The following APBA1 variants were observed in gnomAD, a reference collection of about 807,000 sequenced individuals.
APBA1 encodes amyloid beta precursor protein binding family A member 1.
APBA1 carries 55 observed loss-of-function variants against 86.6 expected under a neutral mutation model. The ratio of observed to expected loss-of-function variants is 0.64; its 90% CI spans 0.51 to 0.80. The LOEUF is 0.80. APBA1 is among the 30% of genes least tolerant of loss of function. The probability of loss-of-function intolerance (pLI) is 0.00; values close to 1 mark genes in which losing one functional copy is unlikely to be tolerated. For synonymous variants in APBA1, 511 were observed against 493.9 expected, an observed-to-expected ratio of 1.03 and a Z score of -0.46; for missense variants, 1,090 against 1,183.0, an observed-to-expected ratio of 0.92 and a Z score of 1.15.
intron 1 of APBA1, among the ~76,000 whole-genome samples, chr9:69,569,553 A>G (rs1427800962): frequency 6.6e-6 from 1 of 152,096 alleles, no homozygotes; most frequent in African/African-American, 2.4e-5. Flanking sequence ...TCCCACACAC[A>G]AAGAATTGTC....
chr9:69,529,547 A>G (rs1836392274), intron 1 of APBA1, among the ~76,000 whole-genome samples: 1 of 152,136 alleles, frequency 6.6e-6, no homozygotes. Flanking sequence ...CGTGTTGATC[A>G]GAATGTAAAG....
chr9:69,546,352 GC>G lies in APBA1; in HGVS notation c.-69-29074del, dbSNP rs758053309. Among the ~76,000 whole-genome samples, 3 of 152,318 alleles carry G rather than the reference GC, an allele frequency of 2.0e-5. No homozygotes were observed. The South Asian group carries it at 6.2e-4, about 32-fold the overall frequency. On this transcript the variant is annotated intron_variant, in intron 1 of 12. Coordinates refer to ENST00000265381, the MANE Select transcript of APBA1 (RefSeq NM_001163.4). ...AACTGCCAGAGATATGTTGTGGGTT[GC>G]TTTTCCTGCCCACAGTTCCATTTCT...
Position 69,533,193 on chromosome 9 carries a change from TA to T in APBA1, c.-69-15915del, listed in dbSNP as rs1234400185. On this transcript the variant is annotated intron_variant, in intron 1 of 12. Coordinates refer to ENST00000265381, the MANE Select transcript of APBA1 (RefSeq NM_001163.4). ...TGTATGATGGAGGGGACAGGATATATATGTATTAAAATCTCTGAAATGATAA... is the reference window on the plus strand; with the variant it reads ...TGTATGATGGAGGGGACAGGATATATTGTATTAAAATCTCTGAAATGATAA... Among the ~76,000 whole-genome samples the T allele has an allele frequency of 4.6e-5, 7 of 152,320 alleles. No homozygotes were observed. The East Asian group carries it at 9.6e-4, about 21-fold the overall frequency.
chr9:69,671,793 C>T (rs1039524838), intron 1 of APBA1, among the ~76,000 whole-genome samples: 1 of 152,122 alleles, frequency 6.6e-6, no homozygotes, highest in East Asian at 1.9e-4. Context: ...GGAAATGTCA[C>T]CCCCCAACAC....
intron 1 of APBA1, among the ~76,000 whole-genome samples, chr9:69,621,923 C>A (rs1822827268): frequency 6.6e-6 from 1 of 152,268 alleles, no homozygotes; most frequent in South Asian, 2.1e-4. Context: ...AGCAACAAAC[C>A]ATGTTCTCCC....
In APBA1 at chr9:69,428,890, T is replaced by C. The variant is rs898558988; in HGVS notation, c.*2437A>G. On this transcript the variant is annotated 3_prime_UTR_variant, in exon 13 of 13. Transcript: ENST00000265381. Reference sequence around the variant, plus strand: ...ACACCTGGATTAACACAAAAGAATGTGGCAGAGAAATCTTCTCACTCTAAT... The same window carrying C: ...ACACCTGGATTAACACAAAAGAATGCGGCAGAGAAATCTTCTCACTCTAAT... The C allele has an allele frequency of 2.6e-5, 4 of 152,228 alleles. No individual in the cohort carries two copies. The highest frequency in any genetic ancestry group is 9.6e-5 in the African/African-American group (4 of 41,458). The allele number at this position is 152,228 out of a possible 1,614,324, so 9.4% of individuals were successfully genotyped here.
intron 1 of APBA1, among the ~76,000 whole-genome samples, chr9:69,559,174 T>C (rs1462993675): frequency 6.6e-6 from 1 of 152,232 alleles, no homozygotes; most frequent in African/African-American, 2.4e-5. Flanking sequence ...AATTCTTTAG[T>C]GAGTATTAAT....
intron 1 of APBA1, among the ~76,000 whole-genome samples, chr9:69,669,630 C>T (rs979793173): frequency 6.6e-6 from 1 of 152,154 alleles, no homozygotes; most frequent in African/African-American, 2.4e-5. Context: ...AAACAAATAT[C>T]TGGGTGTGGT....
At chr9:69,489,486 T>A (rs1268975906) in intron 2 of APBA1, among the ~76,000 whole-genome samples, 1 of 152,068 alleles carries the variant, frequency 6.6e-6, no homozygotes, top group Non-Finnish European at 1.5e-5. Context: ...TCAAGATGGA[T>A]TAAAGACTTA....
At chr9:69,431,425 G>C (rs1472808935) in intron 12 of APBA1, 27 bp from the exon 13 acceptor site, 5 of 1,605,142 alleles carry the variant, frequency 3.1e-6, no homozygotes, top group Non-Finnish European at 3.4e-6. Flanking sequence ...CACTTTAGTG[G>C]GGGGCTGAGG....
At chr9:69,529,467 GA>G in intron 1 of APBA1, among the ~76,000 whole-genome samples, 1 of 152,106 alleles carries the variant, frequency 6.6e-6, no homozygotes, top group African/African-American at 2.4e-5. Context: ...ATAATGTGGG[GA>G]AAGGCAAAAA....
chr9:69,541,393 C>T (rs1836610149), intron 1 of APBA1, among the ~76,000 whole-genome samples: 1 of 152,014 alleles, frequency 6.6e-6, no homozygotes, highest in South Asian at 2.1e-4. Context: ...TTGATAGCGG[C>T]CATCCTAACA....
chr9:69,497,910 G>C (rs1185789386), intron 2 of APBA1, among the ~76,000 whole-genome samples: 1 of 152,112 alleles, frequency 6.6e-6, no homozygotes, highest in Non-Finnish European at 1.5e-5. Flanking sequence ...GTCAGTGGGA[G>C]AGGACAAGGC....
At chr9:69,446,970 AAAC>A (rs901053853) in intron 10 of APBA1, among the ~76,000 whole-genome samples, 12 of 152,220 alleles carry the variant, frequency 7.9e-5, no homozygotes, top group African/African-American at 2.9e-4. Flanking sequence ...GGTGGCTTAT[AAAC>A]AACAGGCATT....
chr9:69,539,583 C>T (rs987506881), intron 1 of APBA1, among the ~76,000 whole-genome samples: 14 of 152,172 alleles, frequency 9.2e-5, no homozygotes, highest in Admixed American at 6.5e-4. Flanking sequence ...TCCAAAATCT[C>T]GCCAAAGTGT....
chr9:69,524,108 G>C (rs1564066432), intron 1 of APBA1, among the ~76,000 whole-genome samples: 1 of 152,072 alleles, frequency 6.6e-6, no homozygotes, highest in Non-Finnish European at 1.5e-5. Context: ...AGTTTATAGT[G>C]CTAAATGCCT....
chr9:69,605,255 A>C (rs931466541), intron 1 of APBA1, among the ~76,000 whole-genome samples: 2 of 151,874 alleles, frequency 1.3e-5, no homozygotes, highest in Non-Finnish European at 2.9e-5. Flanking sequence ...GATGGTACTA[A>C]CCTCCTTTAC....
At chr9:69,543,554 C>A (rs553769564) in intron 1 of APBA1, among the ~76,000 whole-genome samples, 1 of 152,242 alleles carries the variant, frequency 6.6e-6, no homozygotes, top group East Asian at 1.9e-4. Flanking sequence ...GAAGGTCATG[C>A]CAGTCAAAAG....
chr9:69,664,499 GCCTAATCATGACA>G (rs950988048), intron 1 of APBA1, among the ~76,000 whole-genome samples: 10 of 152,130 alleles, frequency 6.6e-5, no homozygotes, highest in Non-Finnish European at 1.0e-4. Context: ...GACAAAAGTG[GCCTAATCATGACA>G]AAGACTCTAA....
Sources: gnomAD v4.1 joint callset for allele counts (sites outside exome capture counted in the v4.1 genomes callset) on GRCh38, gnomAD v4.1.1 for gene constraint, MANE v1.5 for transcripts, NCBI Gene and HGNC (gene_info 2026-07-23, HGNC 2026-07-21) for gene names.